SDK2: variants seen among roughly 807,000 people sequenced by gnomAD.
SDK2 encodes the protein protein sidekick-2.
In SDK2, 105 loss-of-function variants were observed where a neutral mutation model predicts 253.9. That is an observed-to-expected ratio of 0.41 (90% CI 0.35 to 0.49). The LOEUF is 0.49. SDK2 is among the 20% of genes least tolerant of loss of function. SDK2 has a pLI of 0.06. For missense variants in SDK2, 2,608 were observed against 3,003.0 expected (o/e 0.87, Z 3.07); for synonymous variants, 1,249 against 1,234.9 (o/e 1.01, Z -0.24).
At chr17:73,592,232 G>T (rs1355848325) in intron 1 of SDK2, among the ~76,000 whole-genome samples, 1 of 152,198 alleles carries the variant, frequency 6.6e-6, no homozygotes, top group East Asian at 1.9e-4. Flanking sequence ...CGTGGGCCTG[G>T]CACTGTACAC....
In SDK2 at chr17:73,642,799, T is replaced by C. The variant is rs952613586; in HGVS notation, c.64+1226A>G. On this transcript the variant is annotated intron_variant, in intron 1 of 44. Coordinates refer to ENST00000392650, the MANE Select transcript of SDK2 (RefSeq NM_001144952.2). This position sits in a 1 kb window ranked among gnomAD's most constrained non-coding sequence, Gnocchi z 4.7. ...GTTACAAAATTTCGAAGTGCTTTTA[T>C]GTAAATTACCTCGTAAAATCCTCCC... is the stretch of plus-strand genomic sequence containing the variant. Among the ~76,000 whole-genome samples the C allele has an allele frequency of 9.9e-5, 15 of 152,214 alleles. No individual in the cohort carries two copies. Among genetic ancestry groups the C allele is most frequent in the African/African-American group, 3.4e-4 (14 of 41,450 alleles).
intron 29 of SDK2, among the ~76,000 whole-genome samples, chr17:73,390,082 A>C (rs1296162309): frequency 6.6e-6 from 1 of 152,232 alleles, no homozygotes; most frequent in Non-Finnish European, 1.5e-5. Context: ...AGACCAGAGT[A>C]GGGTCCTTGG....
chr17:73,542,532 G>A (rs2044885582), intron 1 of SDK2, among the ~76,000 whole-genome samples: 1 of 152,226 alleles, frequency 6.6e-6, no homozygotes, highest in South Asian at 2.1e-4. Context: ...AGCCGGGCCT[G>A]GTAAGCAGCA....
At chr17:73,507,339 GC>G in intron 2 of SDK2, 98 bp downstream of exon 2, 1 of 1,294,720 alleles carries the variant, frequency 7.7e-7, no homozygotes, top group Non-Finnish European at 1.1e-6. Context: ...GGAGCCCTGA[GC>G]CCCACACTGT....
chr17:73,338,789 T>C lies in SDK2; in HGVS notation c.6317A>G (p.Asp2106Gly). The change falls in exon 45 of 45, where the codon GAC becomes GGC. Residue 2106 changes from aspartate to glycine, a missense_variant. Asp to Gly is a moderately conservative substitution (Grantham distance 94, BLOSUM62 -1). Transcript: ENST00000392650. The surrounding 1 kb of genome is among the most constrained non-coding windows in gnomAD (Gnocchi z 5.0). ...GGTGGTGTGGTCTGGCTCACCCGAG[T>C]CGCTCTCCGTGTAGCTGTAGGCCTG... ...RAQAYSYTES[D>G]SGEPDHTTVT... 1 of 1,613,802 alleles carries C rather than the reference T, an allele frequency of 6.2e-7. No individual in the cohort carries two copies. Among genetic ancestry groups the C allele is most frequent in the Non-Finnish European group, 8.5e-7 (1 of 1,179,860 alleles).
At chr17:73,590,447 C>T (rs1469001041) in intron 1 of SDK2, among the ~76,000 whole-genome samples, 3 of 152,366 alleles carry the variant, frequency 2.0e-5, no homozygotes, top group South Asian at 4.1e-4. Context: ...ACCCGCACCA[C>T]CTGCTGTGCA....
chr17:73,433,820 G>A lies in SDK2; in HGVS notation c.1224C>T (p.Pro408=). The part of the protein sequence containing the change: ...TSIAPNITRG[P]LDSTVIDGMS... ...TGCCATCGATCACCGTGCTGTCCAG[G>A]GGGCCTCTGGTGATGTTAGGGGCGA... Residue 408 remains proline, a synonymous_variant, in exon 10 of 45, where the codon CCC becomes CCT. Transcript: ENST00000392650. The A allele has an allele frequency of 1.3e-6, 2 of 1,589,056 alleles. No homozygotes were observed. Among genetic ancestry groups the A allele is most frequent in the Non-Finnish European group, 1.7e-6 (2 of 1,168,226 alleles).
Position 73,633,934 on chromosome 17 carries a change from G to A in SDK2, c.64+10091C>T, listed in dbSNP as rs141970368. On this transcript the variant is annotated intron_variant, in intron 1 of 44. Transcript: ENST00000392650. Reference sequence around the variant, plus strand: ...TGGCAGGGTGGGGAGGGCAGTGTGAGCTTGGTGGAAGGCTGGCGTGGGGAC... The same window carrying A: ...TGGCAGGGTGGGGAGGGCAGTGTGAACTTGGTGGAAGGCTGGCGTGGGGAC... 4.6e-5 allele frequency among the ~76,000 whole-genome samples: 7 copies of A among 152,280 alleles called. No individual in the cohort carries two copies. The East Asian group carries it at 1.4e-3, about 29-fold the overall frequency.
chr17:73,452,444 G>A (rs1003710140), intron 4 of SDK2, among the ~76,000 whole-genome samples: 8 of 152,112 alleles, frequency 5.3e-5, no homozygotes, highest in Admixed American at 1.3e-4. Flanking sequence ...GGAATATTGC[G>A]GTGGTGTGCA....
intron 1 of SDK2, 26 bp from the exon 2 acceptor site, chr17:73,507,623 C>T (rs1344587654): frequency 6.5e-6 from 10 of 1,546,908 alleles, no homozygotes; most frequent in South Asian, 4.8e-5. Context: ...GACAAAGCCA[C>T]CAGTGATCAC....
chr17:73,393,458 C>A (rs1293549022), intron 27 of SDK2, 102 bp downstream of exon 27: 3 of 1,104,572 alleles, frequency 2.7e-6, no homozygotes, highest in Admixed American at 6.3e-5. Flanking sequence ...GGCCATGGCT[C>A]CCTGTGGGGC....
intron 1 of SDK2, among the ~76,000 whole-genome samples, chr17:73,545,095 G>GCATGCACACACACACACACA (rs1222193318): frequency 1.1e-3 from 86 of 75,308 alleles, no homozygotes; most frequent in African/African-American, 7.4e-3. Context: ...GCGTGCACGT[G>GCATGCACACACACACACACA]CACGCACACA....
intron 36 of SDK2, among the ~76,000 whole-genome samples, chr17:73,373,978 C>T (rs1312351275): frequency 2.1e-5 from 3 of 144,660 alleles, no homozygotes; most frequent in Non-Finnish European, 4.4e-5. Flanking sequence ...GGTCCTTTGC[C>T]CCATTTTCTT....
intron 36 of SDK2, among the ~76,000 whole-genome samples, chr17:73,378,711 C>T (rs1055994797): frequency 1.2e-4 from 18 of 152,188 alleles, no homozygotes; most frequent in African/African-American, 3.6e-4. Flanking sequence ...TGAGCCACCG[C>T]GCCCAGCCTA....
intron 9 of SDK2, among the ~76,000 whole-genome samples, chr17:73,434,135 G>C (rs1415953002): frequency 1.3e-5 from 2 of 152,226 alleles, no homozygotes; most frequent in African/African-American, 4.8e-5. Context: ...GGGGGAAACT[G>C]AAGACCCCAG....
At chr17:73,625,420 G>A (rs78777318) in intron 1 of SDK2, among the ~76,000 whole-genome samples, 1,822 of 152,272 alleles carry the variant, frequency 0.012, 66 homozygotes, top group East Asian at 0.1. Flanking sequence ...AGGGTCCTAG[G>A]TGGTGGCCTC....
At chr17:73,355,174 ATTTT>A (rs770032791) in intron 40 of SDK2, among the ~76,000 whole-genome samples, 8 of 47,228 alleles carry the variant, frequency 1.7e-4, no homozygotes, top group South Asian at 1.8e-3. Context: ...ATATATATAT[ATTTT>A]TTTTTTTTTT....
In SDK2 at chr17:73,336,828, C is replaced by T. The variant is rs1480701965; in HGVS notation, c.*1759G>A. The T allele has an allele frequency of 6.5e-6, 1 of 152,678 alleles. No individual in the cohort carries two copies. The highest frequency in any genetic ancestry group is 1.5e-5 in the Non-Finnish European group (1 of 68,072). 9.5% of individuals were successfully genotyped at this position (152,678 alleles called of 1,614,324 possible). ...ACGAAGGGGCTCACGCTGAATCAGA[C>T]AGGCCCCTGTGGGCCATCTGCCACC... On this transcript the variant is annotated 3_prime_UTR_variant, in exon 45 of 45. Transcript: ENST00000392650.
chr17:73,594,267 C>G (rs1439026743), intron 1 of SDK2, among the ~76,000 whole-genome samples: 1 of 152,130 alleles, frequency 6.6e-6, no homozygotes, highest in Non-Finnish European at 1.5e-5. Flanking sequence ...CGACCCTTGA[C>G]CCCCTCAGGC....
Sources: allele counts gnomAD v4.1 joint callset (sites outside exome capture counted in the v4.1 genomes callset), GRCh38; gene constraint gnomAD v4.1.1; non-coding constraint Gnocchi (gnomAD v3.1); transcripts MANE v1.5; gene names NCBI Gene and HGNC (gene_info 2026-07-23, HGNC 2026-07-21).